PCDH15: variants seen among roughly 807,000 people sequenced by gnomAD.
The protein encoded by PCDH15 is protocadherin-15.
PCDH15 carries 129 observed loss-of-function variants against 178.5 expected under a neutral mutation model. That is an observed-to-expected ratio of 0.72 (90% CI 0.63 to 0.84). The LOEUF (loss-of-function observed/expected upper bound fraction) is 0.84. PCDH15 is among the 40% of genes least tolerant of loss of function. The pLI is 0.00. For missense variants in PCDH15, 2,230 were observed against 2,099.9 expected, an observed-to-expected ratio of 1.06 and a Z score of -1.21; for synonymous variants, 800 against 732.0, an observed-to-expected ratio of 1.09 and a Z score of -1.50.
At chr10:54,229,309 TGA>T (rs2053808230) in intron 9 of PCDH15, among the ~76,000 whole-genome samples, 1 of 152,188 alleles carries the variant, frequency 6.6e-6, no homozygotes, top group Non-Finnish European at 1.5e-5. Flanking sequence ...ATTTTCTATG[TGA>T]TATATGAACA....
At chr10:55,092,204 T>A (rs1408407139) in intron 2 of PCDH15, among the ~76,000 whole-genome samples, 2 of 151,892 alleles carry the variant, frequency 1.3e-5, no homozygotes, top group Non-Finnish European at 2.9e-5. Context: ...ATGGAAAATA[T>A]CAAAATCAGA....
At chr10:53,836,550 C>A (rs1025024530) in intron 29 of PCDH15, among the ~76,000 whole-genome samples, 3 of 152,166 alleles carry the variant, frequency 2.0e-5, no homozygotes, top group Non-Finnish European at 4.4e-5. Context: ...TGACACCATT[C>A]CACCAATAAA....
intron 2 of PCDH15, among the ~76,000 whole-genome samples, chr10:55,576,053 T>C (rs1842491943): frequency 6.6e-6 from 1 of 152,166 alleles, no homozygotes; most frequent in African/African-American, 2.4e-5. Flanking sequence ...GAATATTCAG[T>C]TGACTCTTGA....
chr10:54,596,195 G>A (rs1185285635), intron 2 of PCDH15, among the ~76,000 whole-genome samples: 2 of 152,080 alleles, frequency 1.3e-5, no homozygotes, highest in East Asian at 1.9e-4. Flanking sequence ...AGAAAAAAAT[G>A]TTAAAAGTAG....
chr10:53,990,591 G>T (rs1441699690), intron 21 of PCDH15, among the ~76,000 whole-genome samples: 2 of 149,732 alleles, frequency 1.3e-5, no homozygotes, highest in African/African-American at 2.4e-5. Flanking sequence ...ATATATATAT[G>T]TTATATACAT....
At chr10:54,631,702 A>T (rs2093704257) in intron 2 of PCDH15, among the ~76,000 whole-genome samples, 1 of 152,178 alleles carries the variant, frequency 6.6e-6, no homozygotes, top group Non-Finnish European at 1.5e-5. Flanking sequence ...TTATAAATGA[A>T]AAAGGTTTAA....
intron 16 of PCDH15, among the ~76,000 whole-genome samples, chr10:54,085,432 C>T (rs1000898544): frequency 2.6e-5 from 4 of 152,078 alleles, no homozygotes; most frequent in Non-Finnish European, 4.4e-5. Flanking sequence ...TCCTCAACCT[C>T]CCTTAATAAA....
chr10:55,582,620 A>ATTTTTTT (rs1350113539), intron 2 of PCDH15, among the ~76,000 whole-genome samples: 5 of 87,534 alleles, frequency 5.7e-5, no homozygotes, highest in Non-Finnish European at 1.0e-4. Flanking sequence ...ATATATATAT[A>ATTTTTTT]TATATATATT....
rs1317309148 is a variant in PCDH15 at position 55,284,495 on chromosome 10, T to C, written c.-156+35104A>G. On this transcript the variant is annotated intron_variant, in intron 1 of 5. Transcript: ENST00000458638. ...AAAGAATGAGTTATGGTCATAAAGG[T>C]ACAGTTTATGCAGAAACTCTGATAT... 7.9e-5 allele frequency among the ~76,000 whole-genome samples: 12 copies of C among 152,174 alleles called. No individual in the cohort carries two copies. In the East Asian group the frequency reaches 1.9e-3, roughly 25 times the overall value.
intron 25 of PCDH15, among the ~76,000 whole-genome samples, chr10:53,924,651 T>A (rs905014160): frequency 5.9e-5 from 9 of 152,332 alleles, no homozygotes; most frequent in African/African-American, 2.2e-4. Context: ...CTGAGTCTAG[T>A]GGGGACTTGG....
At chr10:54,775,148 G>A (rs1458192460) in intron 1 of PCDH15, among the ~76,000 whole-genome samples, 1 of 152,168 alleles carries the variant, frequency 6.6e-6, no homozygotes, top group Non-Finnish European at 1.5e-5. Context: ...AAACCCAAAG[G>A]AGAGAATGCC....
At chr10:55,349,470 C>T (rs1844853391) in intron 2 of PCDH15, among the ~76,000 whole-genome samples, 1 of 152,050 alleles carries the variant, frequency 6.6e-6, no homozygotes, top group Non-Finnish European at 1.5e-5. Context: ...TGACTGCTTC[C>T]TGGTGCTCTT....
At chr10:55,394,166 T>C (rs886102787) in intron 2 of PCDH15, among the ~76,000 whole-genome samples, 2 of 151,974 alleles carry the variant, frequency 1.3e-5, no homozygotes, top group Non-Finnish European at 2.9e-5. Flanking sequence ...TTCTACTATA[T>C]AGCCATGTTG....
chr10:53,999,313 T>A (rs1368357468), intron 20 of PCDH15, among the ~76,000 whole-genome samples: 3 of 152,172 alleles, frequency 2.0e-5, no homozygotes, highest in Non-Finnish European at 2.9e-5. Flanking sequence ...CCAGTTCTGT[T>A]TTCCACTACT....
chr10:55,148,836 A>G (rs2132098381), intron 2 of PCDH15, among the ~76,000 whole-genome samples: 1 of 148,322 alleles, frequency 6.7e-6, no homozygotes, highest in East Asian at 1.9e-4. Flanking sequence ...CAACAAAATT[A>G]TATATATTAT....
chr10:54,286,068 A>G (rs559274072), intron 8 of PCDH15, among the ~76,000 whole-genome samples: 3 of 152,328 alleles, frequency 2.0e-5, no homozygotes, highest in Admixed American at 1.3e-4. Context: ...AAAGATGGAG[A>G]GAGACTGGTC....
At chr10:55,151,092 T>C (rs1358770351) in intron 2 of PCDH15, among the ~76,000 whole-genome samples, 1 of 152,054 alleles carries the variant, frequency 6.6e-6, no homozygotes, top group Non-Finnish European at 1.5e-5. Flanking sequence ...GTGCCTTTCG[T>C]AGATCCCACG....
chr10:54,755,223 C>T (rs576762057), intron 1 of PCDH15, among the ~76,000 whole-genome samples: 10 of 152,214 alleles, frequency 6.6e-5, no homozygotes, highest in East Asian at 1.9e-4. Context: ...TCAGCCACTG[C>T]ACCCAGCCAG....
intron 25 of PCDH15, among the ~76,000 whole-genome samples, chr10:53,937,464 T>A (rs977483837): frequency 3.9e-5 from 6 of 152,204 alleles, no homozygotes; most frequent in African/African-American, 1.4e-4. Context: ...TCTATATTTT[T>A]AAAAACATAA....
Sources: allele counts gnomAD v4.1 joint callset (sites outside exome capture counted in the v4.1 genomes callset), GRCh38; gene constraint gnomAD v4.1.1; transcripts MANE v1.5; gene names NCBI Gene and HGNC (gene_info 2026-07-23, HGNC 2026-07-21).